Variants in DTNB observed in about 807,000 individuals in gnomAD.
The protein encoded by DTNB is DTN-B.
In DTNB, 63 loss-of-function variants were observed where a neutral mutation model predicts 90.7. The ratio of observed to expected loss-of-function variants is 0.69; its 90% confidence interval spans 0.57 to 0.86. DTNB has a LOEUF of 0.86. DTNB is among the 40% of genes least tolerant of loss of function. The pLI, the probability that DTNB is intolerant of heterozygous loss-of-function variation, is 0.00. For synonymous variants in DTNB, 277 were observed against 286.7 expected, an observed-to-expected ratio of 0.97 and a Z score of 0.34; for missense variants, 744 against 807.1, an observed-to-expected ratio of 0.92 and a Z score of 0.95.
chr2:25,643,190 T>C (rs1387763872), intron 2 of DTNB, among the ~76,000 whole-genome samples: 1 of 152,048 alleles, frequency 6.6e-6, no homozygotes, highest in East Asian at 1.9e-4. Context: ...CTGCACAGAA[T>C]CACCCAACTG....
At chr2:25,593,710 T>C (rs1559159877) in intron 6 of DTNB, among the ~76,000 whole-genome samples, 1 of 152,208 alleles carries the variant, frequency 6.6e-6, no homozygotes, top group Non-Finnish European at 1.5e-5. Context: ...TTCTTAGAAT[T>C]AACAACTGCA....
intron 1 of DTNB, among the ~76,000 whole-genome samples, chr2:25,663,414 T>A (rs1459172136): frequency 6.6e-6 from 1 of 152,244 alleles, no homozygotes; most frequent in Non-Finnish European, 1.5e-5. Context: ...TATAACCCTT[T>A]GGGTATATAC....
chr2:25,546,676 TCTGA>T (rs2082493020), intron 8 of DTNB, among the ~76,000 whole-genome samples: 1 of 152,262 alleles, frequency 6.6e-6, no homozygotes, highest in Admixed American at 6.5e-5. Flanking sequence ...CAGGGCTTTC[TCTGA>T]CTTTTAATCA....
chr2:25,488,505 T>C (rs116424890), intron 9 of DTNB, among the ~76,000 whole-genome samples: 2,286 of 152,208 alleles, frequency 0.015, 40 homozygotes, highest in African/African-American at 0.046. Context: ...ATTGATACCA[T>C]TGAAGTACAG....
At chr2:25,534,575 C>G (rs1558920012) in intron 8 of DTNB, among the ~76,000 whole-genome samples, 1 of 151,932 alleles carries the variant, frequency 6.6e-6, no homozygotes, top group Admixed American at 6.6e-5. Flanking sequence ...CGCTCCTTCA[C>G]TTCCCAGACG....
At chr2:25,455,341 G>A (rs1295279408) in intron 11 of DTNB, 64 bp downstream of exon 11, 1 of 1,464,566 alleles carries the variant, frequency 6.8e-7, no homozygotes, top group Non-Finnish European at 9.2e-7. Context: ...ACAACCCCAG[G>A]TAGCAAAGCT....
rs151110190 is a variant in DTNB at position 25,531,957 on chromosome 2, T to C, written c.877-360A>G. On this transcript the variant is annotated intron_variant, in intron 8 of 20. Coordinates refer to ENST00000406818, the MANE Select transcript of DTNB (RefSeq NM_021907.5). The stretch of plus-strand genomic sequence containing the variant: ...ATTTCCTGATCAGAGTCGGAACTTT[T>C]TGATGGAGGCCAGGCACGGTGGCTC... Among the ~76,000 whole-genome samples, 658 of 152,262 alleles carry C rather than the reference T, an allele frequency of 4.3e-3. 4 individuals carry two copies. Among genetic ancestry groups the C allele is most frequent in the African/African-American group, 0.015 (615 of 41,560 alleles).
At chr2:25,644,649 A>C (rs1403207167) in intron 2 of DTNB, among the ~76,000 whole-genome samples, 1 of 152,168 alleles carries the variant, frequency 6.6e-6, no homozygotes, top group Non-Finnish European at 1.5e-5. Context: ...GCTACTCCAG[A>C]GGCTGAGACA....
intron 12 of DTNB, among the ~76,000 whole-genome samples, chr2:25,449,063 T>G (rs2058867084): frequency 6.6e-6 from 1 of 152,168 alleles, no homozygotes; most frequent in African/African-American, 2.4e-5. Flanking sequence ...ATAAGTTAGT[T>G]TGCCTATTCT....
Position 25,433,011 on chromosome 2 carries a change from G to A in DTNB, c.1344-12C>T, listed in dbSNP as rs1350714158. ...CCTGCAGGATCTCTCTAGAGAGGATGGGTGAACGGAAAGGGGCTGCACAGT... is the reference window on the plus strand; with the variant it reads ...CCTGCAGGATCTCTCTAGAGAGGATAGGTGAACGGAAAGGGGCTGCACAGT... On this transcript the variant is annotated splice_polypyrimidine_tract_variant and intron_variant, in intron 13 of 20. Coordinates refer to ENST00000406818, the MANE Select transcript of DTNB (RefSeq NM_021907.5). 3.1e-6 allele frequency: 5 copies of A among 1,592,122 alleles called. No individual in the cohort carries two copies. The South Asian group carries it at 3.4e-5, about 11-fold the overall frequency.
intron 15 of DTNB, among the ~76,000 whole-genome samples, chr2:25,422,064 T>G (rs2049898405): frequency 6.6e-6 from 1 of 152,174 alleles, no homozygotes. Flanking sequence ...AGTAAACAGG[T>G]CAGATCCCAG....
chr2:25,487,825 G>C (rs1206745916), intron 9 of DTNB, among the ~76,000 whole-genome samples: 2 of 152,226 alleles, frequency 1.3e-5, no homozygotes, highest in Non-Finnish European at 2.9e-5. Context: ...GGAAACGCAT[G>C]TGGAAAGGTA....
intron 8 of DTNB, 135 bp downstream of exon 8, chr2:25,576,703 G>T: frequency 8.9e-7 from 1 of 1,118,396 alleles, no homozygotes; most frequent in Non-Finnish European, 1.2e-6. Context: ...TGCAATCCTG[G>T]CATAAATGTT....
intron 9 of DTNB, among the ~76,000 whole-genome samples, chr2:25,514,730 C>T (rs532791825): frequency 2.0e-5 from 3 of 146,846 alleles, no homozygotes; most frequent in Non-Finnish European, 4.5e-5. Flanking sequence ...GCTCTGTCAC[C>T]CACGCTGGAG....
chr2:25,545,245 T>C (rs2082166542), intron 8 of DTNB, among the ~76,000 whole-genome samples: 1 of 152,242 alleles, frequency 6.6e-6, no homozygotes, highest in Admixed American at 6.5e-5. Context: ...CTTTTAACAA[T>C]GCCACTATTC....
intron 3 of DTNB, among the ~76,000 whole-genome samples, chr2:25,631,434 A>G (rs1053319374): frequency 6.6e-6 from 1 of 152,074 alleles, no homozygotes; most frequent in Admixed American, 6.5e-5. Context: ...TTAGCTAGGC[A>G]TAGTGACACA....
chr2:25,501,514 G>C (rs2070705228), intron 9 of DTNB, among the ~76,000 whole-genome samples: 1 of 152,164 alleles, frequency 6.6e-6, no homozygotes. Flanking sequence ...TGAGTAGCTG[G>C]GATTACAGGT....
chr2:25,476,104 T>C (rs1197590989), intron 10 of DTNB, among the ~76,000 whole-genome samples: 2 of 151,632 alleles, frequency 1.3e-5, no homozygotes, highest in Non-Finnish European at 2.9e-5. Flanking sequence ...GTTTCGCTCT[T>C]GTCACCTAGG....
intron 9 of DTNB, among the ~76,000 whole-genome samples, chr2:25,531,099 G>T (rs2078077886): frequency 6.6e-6 from 1 of 152,068 alleles, no homozygotes; most frequent in South Asian, 2.1e-4. Flanking sequence ...TTTCCATGTT[G>T]TCTACATTAA....
Sources: allele counts gnomAD v4.1 joint callset (sites outside exome capture counted in the v4.1 genomes callset), GRCh38; gene constraint gnomAD v4.1.1; transcripts MANE v1.5; gene names NCBI Gene and HGNC (gene_info 2026-07-23, HGNC 2026-07-21).